Variants in ZNF704 observed in about 807,000 individuals in gnomAD.
ZNF704 encodes glucocorticoid induced gene 1.
ZNF704 carries 10 observed loss-of-function variants against 44.7 expected under a neutral mutation model. The ratio of observed to expected loss-of-function variants is 0.22; its 90% CI spans 0.14 to 0.38. The LOEUF is 0.38. ZNF704 is among the 10% of genes least tolerant of loss of function. ZNF704 has a pLI of 1.00. For missense variants in ZNF704, 390 were observed against 545.5 expected, an observed-to-expected ratio of 0.71 and a Z score of 2.84; for synonymous variants, 211 against 207.6, an observed-to-expected ratio of 1.02 and a Z score of -0.14.
In ZNF704 at chr8:80,659,607, G is replaced by A. The variant is rs878885299; in HGVS notation, c.1010C>T (p.Pro337Leu). Reference protein sequence around the residue: ...SSFSISWQSPPVTFTGIPVSP... With the variant: ...SSFSISWQSPLVTFTGIPVSP... Reference sequence around the variant, plus strand: ...TACTGGGATGCCTGTGAAAGTGACCGGAGGAGATTGCCAGGAAATGCTGAA... The same window carrying A: ...TACTGGGATGCCTGTGAAAGTGACCAGAGGAGATTGCCAGGAAATGCTGAA... Residue 337 changes from proline to leucine, a missense_variant, in exon 7 of 9, where the codon CCG becomes CTG. Around this residue, in one of 3 missense-constraint regions of ZNF704, gnomAD observed 305 missense variants for 435.7 expected, o/e 0.70. Transcript: ENST00000327835. 7 of 1,613,842 alleles carry A rather than the reference G, an allele frequency of 4.3e-6. No individual in the cohort carries two copies. The South Asian group carries it at 4.4e-5, about 10-fold the overall frequency.
At chr8:80,736,107 T>C (rs1806661088) in intron 2 of ZNF704, among the ~76,000 whole-genome samples, 1 of 152,244 alleles carries the variant, frequency 6.6e-6, no homozygotes, top group South Asian at 2.1e-4. Flanking sequence ...TTTAATTTTC[T>C]TCAAAGAAGG....
At chr8:80,818,391 C>G (rs1808211766) in intron 2 of ZNF704, among the ~76,000 whole-genome samples, 1 of 151,878 alleles carries the variant, frequency 6.6e-6, no homozygotes, top group African/African-American at 2.4e-5. Context: ...CCTCAGTACC[C>G]ATGGGGGTTG....
chr8:80,781,938 CTCTAATGTAT>C (rs1323357245), intron 2 of ZNF704, among the ~76,000 whole-genome samples: 4 of 152,212 alleles, frequency 2.6e-5, no homozygotes, highest in Non-Finnish European at 5.9e-5. Context: ...CTCAAATTCA[CTCTAATGTAT>C]AGGAATAGTC....
In ZNF704 at chr8:80,808,334, AAG is replaced by A. The variant is rs578134530; in HGVS notation, c.221+13038_221+13039del. On this transcript the variant is annotated intron_variant, in intron 2 of 8. Transcript: ENST00000327835. ...ACTTTGTTTAAATTGCCTACAAAGAAAGGGAGTTATTAATTGAATGTGAAGAT... is the reference window on the plus strand; with the variant it reads ...ACTTTGTTTAAATTGCCTACAAAGAAGGAGTTATTAATTGAATGTGAAGAT... Among the ~76,000 whole-genome samples, 676 of 152,344 alleles carry A rather than the reference AAG, an allele frequency of 4.4e-3. 5 individuals are homozygous for A. Among genetic ancestry groups the A allele is most frequent in the African/African-American group, 0.015 (629 of 41,584 alleles).
At chr8:80,842,113 C>G (rs1391240066) in intron 1 of ZNF704, among the ~76,000 whole-genome samples, 1 of 152,172 alleles carries the variant, frequency 6.6e-6, no homozygotes, top group African/African-American at 2.4e-5. Context: ...ATATTCATAT[C>G]ACTAACCCAG....
At chr8:80,774,910 C>T (rs990528186) in intron 2 of ZNF704, among the ~76,000 whole-genome samples, 8 of 152,158 alleles carry the variant, frequency 5.3e-5, no homozygotes, top group Non-Finnish European at 4.4e-5. Context: ...ATACACGAAG[C>T]GAAATGAAAA....
At chr8:80,783,569 T>C (rs930081794) in intron 2 of ZNF704, among the ~76,000 whole-genome samples, 4 of 152,150 alleles carry the variant, frequency 2.6e-5, no homozygotes, top group East Asian at 1.9e-4. Flanking sequence ...AGATTTCTTA[T>C]TGGCATTTTT....
chr8:80,790,070 C>T (rs1412382666), intron 2 of ZNF704, among the ~76,000 whole-genome samples: 1 of 152,176 alleles, frequency 6.6e-6, no homozygotes, highest in African/African-American at 2.4e-5. Flanking sequence ...ATCAATACCA[C>T]AGCATTTCCA....
intron 6 of ZNF704, among the ~76,000 whole-genome samples, chr8:80,660,975 C>T (rs959316369): frequency 2.6e-5 from 4 of 152,110 alleles, no homozygotes; most frequent in Admixed American, 6.5e-5. Context: ...AGCTTCTGCA[C>T]GGCACAAGAA....
chr8:80,648,809 G>T (rs529887928), intron 7 of ZNF704, among the ~76,000 whole-genome samples: 1 of 152,292 alleles, frequency 6.6e-6, no homozygotes, highest in South Asian at 2.1e-4. Flanking sequence ...TAAGTGCACT[G>T]TCCAGTCCAC....
At chr8:80,660,093 G>T (rs1818075234) in intron 6 of ZNF704, among the ~76,000 whole-genome samples, 2 of 152,140 alleles carry the variant, frequency 1.3e-5, no homozygotes, top group Admixed American at 1.3e-4. Context: ...AAAATTCTTA[G>T]CATTCTCTGT....
chr8:80,636,638 T>C lies in ZNF704; in HGVS notation c.*4728A>G, dbSNP rs990562106. On this transcript the variant is annotated 3_prime_UTR_variant, in exon 9 of 9. Transcript: ENST00000327835. ...CAGTCCGTGCCGCTGGTAGGGCTAC[T>C]TTCTTAGAGAAATGAAATTTCCAGT... 6.6e-6 allele frequency: 1 copy of C among 152,264 alleles called. No individual in the cohort carries two copies. The highest frequency in any genetic ancestry group is 1.5e-5 in the Non-Finnish European group (1 of 68,050). 9.4% of individuals were successfully genotyped at this position (152,264 alleles called of 1,614,324 possible).
chr8:80,819,488 A>C (rs1400591801), intron 2 of ZNF704, among the ~76,000 whole-genome samples: 3 of 152,044 alleles, frequency 2.0e-5, no homozygotes, highest in Non-Finnish European at 4.4e-5. Flanking sequence ...AATAAGTCCT[A>C]TAGAATTGCA....
chr8:80,857,785 T>C (rs946999307), intron 1 of ZNF704, among the ~76,000 whole-genome samples: 18 of 152,230 alleles, frequency 1.2e-4, no homozygotes, highest in Admixed American at 6.5e-4. Flanking sequence ...TTTTGTAAGA[T>C]TGGTATTATA....
At chr8:80,865,824 A>C (rs1809145983) in intron 1 of ZNF704, among the ~76,000 whole-genome samples, 1 of 151,826 alleles carries the variant, frequency 6.6e-6, no homozygotes, top group African/African-American at 2.4e-5. Context: ...ACATGAACGA[A>C]CCCTCCTTGT....
At chr8:80,824,341 A>G (rs1808334362) in intron 1 of ZNF704, among the ~76,000 whole-genome samples, 1 of 152,232 alleles carries the variant, frequency 6.6e-6, no homozygotes, top group Non-Finnish European at 1.5e-5. Flanking sequence ...TTGAAGCTCA[A>G]ATGAATGAAA....
chr8:80,708,668 T>C (rs1170168683), intron 2 of ZNF704, among the ~76,000 whole-genome samples: 2 of 152,244 alleles, frequency 1.3e-5, no homozygotes, highest in East Asian at 1.9e-4. Context: ...GTCATACTTG[T>C]GTAGCAGCAG....
Position 80,633,591 on chromosome 8 carries a change from G to A in ZNF704, c.*7775C>T, listed in dbSNP as rs1198432182. ...AAGGTTTGAGCCAGGCCTTTAATGA[G>A]CCCCTTCCCTCTTCCTTGCAAGCAA... On this transcript the variant is annotated 3_prime_UTR_variant, in exon 9 of 9. Transcript: ENST00000327835. 6.6e-6 allele frequency: 1 copy of A among 152,174 alleles called. No homozygotes were observed. The highest frequency in any genetic ancestry group is 1.5e-5 in the Non-Finnish European group (1 of 68,052). 9.4% of individuals were successfully genotyped at this position (152,174 alleles called of 1,614,324 possible). A position where few individuals can be genotyped will look rare whatever the true frequency, so the allele number is the denominator to read the frequency against.
intron 2 of ZNF704, among the ~76,000 whole-genome samples, chr8:80,782,844 A>C (rs566397672): frequency 3.3e-5 from 5 of 152,000 alleles, no homozygotes; most frequent in Non-Finnish European, 5.9e-5. Context: ...TCGTCCCTCT[A>C]TGTGGGTTTT....
Sources: gnomAD v4.1 joint callset for allele counts (sites outside exome capture counted in the v4.1 genomes callset) on GRCh38, gnomAD v4.1.1 for gene constraint, gnomAD v4.1.1 regional missense constraint, MANE v1.5 for transcripts, NCBI Gene and HGNC (gene_info 2026-07-23, HGNC 2026-07-21) for gene names.